Variants in IGF2BP3 observed in about 807,000 individuals in gnomAD.
IGF2BP3 encodes insulin like growth factor 2 mRNA binding protein 3, also known as insulin-like growth factor 2 mRNA-binding protein 3.
A neutral mutation model predicts 73.8 loss-of-function variants in IGF2BP3; 9 were observed. The ratio of observed to expected loss-of-function variants is 0.12; its 90% CI spans 0.07 to 0.21. IGF2BP3 has a LOEUF of 0.21. IGF2BP3 is among the 10% of genes least tolerant of loss of function. The pLI is 1.00. For synonymous variants in IGF2BP3, 258 were observed against 256.7 expected (o/e 1.01, Z -0.05); for missense variants, 542 against 714.0 (o/e 0.76, Z 2.75).
intron 2 of IGF2BP3, among the ~76,000 whole-genome samples, chr7:23,422,302 TTTGTTTA>T (rs1374135876): frequency 2.0e-5 from 3 of 152,176 alleles, no homozygotes; most frequent in African/African-American, 7.2e-5. Context: ...GATACTATCT[TTTGTTTA>T]TTAAGAGTAA....
At chr7:23,356,951 T>C (rs561330888) in intron 5 of IGF2BP3, among the ~76,000 whole-genome samples, 1 of 152,296 alleles carries the variant, frequency 6.6e-6, no homozygotes, top group South Asian at 2.1e-4. Flanking sequence ...TTAGAATCAG[T>C]ATAAATACAC....
At chr7:23,393,490 C>A (rs1374982498) in intron 3 of IGF2BP3, among the ~76,000 whole-genome samples, 3 of 152,118 alleles carry the variant, frequency 2.0e-5, no homozygotes, top group Non-Finnish European at 4.4e-5. Flanking sequence ...AAGTACTATG[C>A]TCAATTCTGA....
chr7:23,421,620 G>A (rs1375206238), intron 2 of IGF2BP3, among the ~76,000 whole-genome samples: 2 of 150,304 alleles, frequency 1.3e-5, no homozygotes, highest in African/African-American at 4.9e-5. Context: ...TGACCTGGGA[G>A]GCAGAGTTTG....
chr7:23,449,424 G>A (rs1050585586), intron 2 of IGF2BP3, among the ~76,000 whole-genome samples: 1 of 151,992 alleles, frequency 6.6e-6, no homozygotes, highest in South Asian at 2.1e-4. Context: ...GGCTGAGGCA[G>A]GAAAATGGCA....
At chr7:23,380,503 G>A (rs904572232) in intron 3 of IGF2BP3, among the ~76,000 whole-genome samples, 1 of 152,040 alleles carries the variant, frequency 6.6e-6, no homozygotes, top group South Asian at 2.1e-4. Flanking sequence ...TGGCATCCAT[G>A]CAATTTAATA....
At chr7:23,433,507 CA>C (rs1256071569) in intron 2 of IGF2BP3, among the ~76,000 whole-genome samples, 2 of 140,876 alleles carry the variant, frequency 1.4e-5, no homozygotes, top group Non-Finnish European at 3.1e-5. Flanking sequence ...TTTTTTGAGA[CA>C]GGGTTTTTGC....
chr7:23,366,143 CTT>C (rs879535310), intron 3 of IGF2BP3, among the ~76,000 whole-genome samples: 3 of 143,772 alleles, frequency 2.1e-5, no homozygotes, highest in African/African-American at 2.5e-5. Context: ...CCGTGTAAAT[CTT>C]TTTTTTTTTT....
At chr7:23,360,653 T>C (rs528198097) in intron 5 of IGF2BP3, among the ~76,000 whole-genome samples, 2 of 152,364 alleles carry the variant, frequency 1.3e-5, no homozygotes, top group Admixed American at 6.5e-5. Flanking sequence ...GTACTGCCTA[T>C]AGTAACCTAG....
chr7:23,434,522 G>C (rs1787762616), intron 2 of IGF2BP3, among the ~76,000 whole-genome samples: 1 of 152,180 alleles, frequency 6.6e-6, no homozygotes, highest in South Asian at 2.1e-4. Flanking sequence ...AAGAAACTCA[G>C]TATGAGAATT....
chr7:23,378,071 T>A (rs1174102010), intron 3 of IGF2BP3, among the ~76,000 whole-genome samples: 2 of 152,178 alleles, frequency 1.3e-5, no homozygotes, highest in Non-Finnish European at 2.9e-5. Flanking sequence ...AACCACTGAA[T>A]TGTATGCTTC....
chr7:23,407,746 T>C (rs1485282911), intron 3 of IGF2BP3, among the ~76,000 whole-genome samples: 1 of 152,052 alleles, frequency 6.6e-6, no homozygotes, highest in African/African-American at 2.4e-5. Context: ...CCAACACATT[T>C]TAAGGCTGTG....
chr7:23,423,905 G>A (rs1787423452), intron 2 of IGF2BP3, among the ~76,000 whole-genome samples: 1 of 151,892 alleles, frequency 6.6e-6, no homozygotes, highest in Non-Finnish European at 1.5e-5. Context: ...AGATCACGAG[G>A]TCAGAAGTTC....
At chr7:23,318,210 G>A (rs113656219) in intron 11 of IGF2BP3, among the ~76,000 whole-genome samples, 86 of 152,194 alleles carry the variant, frequency 5.7e-4, no homozygotes, top group African/African-American at 2.0e-3. Context: ...AAGTTTCAAG[G>A]ATACTGCACA....
In IGF2BP3 at chr7:23,310,902, C is replaced by T. The variant is rs1783808358; in HGVS notation, c.*1460G>A. 1 of 152,028 alleles carries T rather than the reference C, an allele frequency of 6.6e-6. No individual in the cohort carries two copies. Among genetic ancestry groups the T allele is most frequent in the Admixed American group, 6.6e-5 (1 of 15,258 alleles). The allele number at this position is 152,028 out of a possible 1,614,324, so 9.4% of individuals were successfully genotyped here. On this transcript the variant is annotated 3_prime_UTR_variant, in exon 15 of 15. Coordinates refer to ENST00000258729, the MANE Select transcript of IGF2BP3 (RefSeq NM_006547.3). ...TCAGAGAGCAGCGTGGCCTTGGAGA[C>T]CACCCACACCCAACACAATTGTACG...
chr7:23,356,020 G>A (rs959127280), intron 5 of IGF2BP3, among the ~76,000 whole-genome samples: 1 of 151,900 alleles, frequency 6.6e-6, no homozygotes, highest in African/African-American at 2.4e-5. Context: ...AGTTCAACTT[G>A]AGGAAGAGGG....
At position 23,470,333 on chromosome 7, in the gene IGF2BP3, G is replaced by C. The variant is rs2128553828; in HGVS notation, c.-223C>G. 1 of 357,032 alleles carries C rather than the reference G, an allele frequency of 2.8e-6. No homozygotes were observed. Among genetic ancestry groups the C allele is most frequent in the South Asian group, 6.7e-5 (1 of 14,922 alleles). 22.1% of individuals were successfully genotyped at this position (357,032 alleles called of 1,614,324 possible). A position where few individuals can be genotyped will look rare whatever the true frequency, so the allele number is the denominator to read the frequency against. On this transcript the variant is annotated 5_prime_UTR_variant, in exon 1 of 15. Transcript: ENST00000258729. ...TTTTAAAAGAGAAAGAAAAGAAAAA[G>C]CCTAGCTACAACCCAAACGCATCCA...
intron 11 of IGF2BP3, 159 bp from the exon 12 acceptor site, chr7:23,317,872 T>C: frequency 4.6e-6 from 3 of 650,328 alleles, no homozygotes; most frequent in South Asian, 1.7e-5. Flanking sequence ...GGGTTCACAA[T>C]TTAGGCCTCC....
intron 10 of IGF2BP3, among the ~76,000 whole-genome samples, chr7:23,338,051 A>T (rs1784616734): frequency 6.6e-6 from 1 of 152,180 alleles, no homozygotes; most frequent in African/African-American, 2.4e-5. Flanking sequence ...ATACATACCC[A>T]AACCTAATCC....
At chr7:23,430,232 C>T (rs1266952572) in intron 2 of IGF2BP3, among the ~76,000 whole-genome samples, 4 of 152,164 alleles carry the variant, frequency 2.6e-5, no homozygotes, top group African/African-American at 7.2e-5. Flanking sequence ...TACAGGCGCG[C>T]GCCACCATGC....
Sources: allele counts gnomAD v4.1 joint callset (sites outside exome capture counted in the v4.1 genomes callset), GRCh38; gene constraint gnomAD v4.1.1; transcripts MANE v1.5; gene names NCBI Gene and HGNC (gene_info 2026-07-23, HGNC 2026-07-21).